The following CHRM5 variants were observed in gnomAD, a reference collection of about 807,000 sequenced individuals.
CHRM5 encodes muscarinic acetylcholine receptor M5.
A neutral mutation model predicts 39.0 loss-of-function variants in CHRM5; 18 were observed. The observed-to-expected ratio is 0.46, with a 90% confidence interval of 0.32 to 0.68. CHRM5 has a LOEUF of 0.68. Among genes scored for constraint, CHRM5 ranks in the 30% least tolerant of loss-of-function variants. The probability of loss-of-function intolerance (pLI) is 0.04; values close to 1 mark genes in which losing one functional copy is unlikely to be tolerated. For missense variants in CHRM5, 515 were observed against 651.1 expected (o/e 0.79, Z 2.28); for synonymous variants, 241 against 246.3 (o/e 0.98, Z 0.20).
chr15:34,003,465 T>C (rs1000114881), intron 1 of CHRM5, among the ~76,000 whole-genome samples: 2 of 152,220 alleles, frequency 1.3e-5, no homozygotes, highest in African/African-American at 2.4e-5. Flanking sequence ...CTAAAATTTA[T>C]CCCTATGTAT....
At chr15:33,999,027 G>C (rs1187319906) in intron 1 of CHRM5, among the ~76,000 whole-genome samples, 2 of 152,194 alleles carry the variant, frequency 1.3e-5, no homozygotes, top group Non-Finnish European at 2.9e-5. Context: ...ATTAGATGTT[G>C]TGCTGGGTCT....
intron 2 of CHRM5, among the ~76,000 whole-genome samples, chr15:34,053,171 G>A (rs1328324451): frequency 6.6e-6 from 1 of 151,078 alleles, no homozygotes; most frequent in Non-Finnish European, 1.5e-5. Context: ...ATGGTGGTGG[G>A]TGCCTACAGT....
chr15:33,973,404 C>T (rs1241698567), intron 1 of CHRM5, among the ~76,000 whole-genome samples: 3 of 152,118 alleles, frequency 2.0e-5, no homozygotes, highest in Non-Finnish European at 4.4e-5. Context: ...CAACTGTATA[C>T]CTTCCCTTCA....
At chr15:33,986,834 T>C (rs991629075) in intron 1 of CHRM5, among the ~76,000 whole-genome samples, 2 of 152,048 alleles carry the variant, frequency 1.3e-5, no homozygotes, top group African/African-American at 4.8e-5. Flanking sequence ...TTGTTTTGTA[T>C]TTTTAGTAGA....
chr15:34,001,461 C>T (rs1445263568), intron 1 of CHRM5, among the ~76,000 whole-genome samples: 1 of 152,148 alleles, frequency 6.6e-6, no homozygotes, highest in Non-Finnish European at 1.5e-5. Context: ...TCAATTTTCT[C>T]CCCCTAGATC....
intron 1 of CHRM5, among the ~76,000 whole-genome samples, chr15:33,979,018 GTTTC>G (rs1436588059): frequency 6.6e-6 from 1 of 152,026 alleles, no homozygotes; most frequent in Non-Finnish European, 1.5e-5. Flanking sequence ...AATGCTCCAG[GTTTC>G]TTTTTCATCC....
intron 1 of CHRM5, among the ~76,000 whole-genome samples, chr15:34,012,409 T>A (rs1332849911): frequency 6.6e-6 from 1 of 152,232 alleles, no homozygotes; most frequent in Non-Finnish European, 1.5e-5. Context: ...TTCTGGGTGA[T>A]CTTGGTGTGC....
At chr15:34,021,274 A>T (rs1331553753) in intron 1 of CHRM5, among the ~76,000 whole-genome samples, 2 of 151,760 alleles carry the variant, frequency 1.3e-5, no homozygotes, top group African/African-American at 2.4e-5. Flanking sequence ...ACTCAGCTAA[A>T]AAATATTTTC....
rs549371629 is a variant in CHRM5, at chr15:34,033,610, TA to T, written c.-407-12928del. Among the ~76,000 whole-genome samples, 998 of 152,306 alleles carry T rather than the reference TA, an allele frequency of 6.6e-3. 13 individuals are homozygous for T. The highest frequency in any genetic ancestry group is 0.023 in the African/African-American group (954 of 41,552). On this transcript the variant is annotated intron_variant, in intron 1 of 2. Transcript: ENST00000383263. ...TAGCACCCAAGCCTGTAGAGTTATA[TA>T]ACATTTTTTAAGTCAACATTTATTA...
At chr15:33,980,159 C>T (rs932536853) in intron 1 of CHRM5, among the ~76,000 whole-genome samples, 9 of 152,042 alleles carry the variant, frequency 5.9e-5, no homozygotes, top group African/African-American at 1.9e-4. Flanking sequence ...TACAAGGAAC[C>T]TAAACATGTA....
At chr15:34,043,122 C>T (rs1420764885) in intron 1 of CHRM5, among the ~76,000 whole-genome samples, 1 of 151,988 alleles carries the variant, frequency 6.6e-6, no homozygotes, top group Non-Finnish European at 1.5e-5. Context: ...TGACGGGCGC[C>T]TGTAGTCCCA....
At chr15:33,992,294 G>A (rs1896757833) in intron 1 of CHRM5, among the ~76,000 whole-genome samples, 1 of 152,152 alleles carries the variant, frequency 6.6e-6, no homozygotes, top group East Asian at 1.9e-4. Flanking sequence ...GGAGGCTGAG[G>A]GAGGAGAATG....
intron 1 of CHRM5, among the ~76,000 whole-genome samples, chr15:33,985,835 T>C (rs1487890928): frequency 1.3e-5 from 2 of 152,116 alleles, no homozygotes; most frequent in African/African-American, 4.8e-5. Flanking sequence ...CTAGGAAATG[T>C]TCAAAAATAG....
intron 1 of CHRM5, chr15:33,991,835 C>T (rs1896738695): frequency 6.6e-6 from 1 of 151,952 alleles, no homozygotes; most frequent in African/African-American, 2.4e-5. Context: ...GCAAAATCAC[C>T]AAGAATCTCT....
intron 1 of CHRM5, among the ~76,000 whole-genome samples, chr15:34,012,683 T>G (rs992519569): frequency 5.9e-5 from 9 of 152,244 alleles, no homozygotes; most frequent in African/African-American, 2.2e-4. Flanking sequence ...ATCAGACCAT[T>G]AAATAGCTGT....
chr15:33,983,211 T>C lies in CHRM5; in HGVS notation c.-408+14061T>C, dbSNP rs371298232. On this transcript the variant is annotated intron_variant, in intron 1 of 2. Coordinates refer to ENST00000383263, the MANE Select transcript of CHRM5 (RefSeq NM_012125.4). ...GTGTGTATGTGTGTGTATATATATA[T>C]ATACATATATATACACACACATACA... Among the ~76,000 whole-genome samples the C allele has an allele frequency of 8.6e-3, 125 of 14,524 alleles. 1 individual carries two copies. Among genetic ancestry groups the C allele is most frequent in the African/African-American group, 0.026 (112 of 4,322 alleles). The allele number at this position is 14,524 out of a possible 152,430, so 9.5% of individuals were successfully genotyped here.
intron 1 of CHRM5, among the ~76,000 whole-genome samples, chr15:34,009,814 A>C (rs1229723356): frequency 6.6e-6 from 1 of 152,074 alleles, no homozygotes; most frequent in Admixed American, 6.6e-5. Context: ...CATAGAGAGC[A>C]TTGCTACAAA....
At chr15:34,017,129 AG>A (rs66703947) in intron 1 of CHRM5, among the ~76,000 whole-genome samples, 71,708 of 151,122 alleles carry the variant, frequency 0.47, 20,370 homozygotes, top group Non-Finnish European at 0.64. Flanking sequence ...CTCTGTCTCA[AG>A]GGGGAAAAAA....
chr15:34,017,771 A>G (rs1898005608), intron 1 of CHRM5, among the ~76,000 whole-genome samples: 1 of 152,088 alleles, frequency 6.6e-6, no homozygotes, highest in Non-Finnish European at 1.5e-5. Context: ...TGAGCCACTG[A>G]GCCTGGCCAG....
Sources: allele counts gnomAD v4.1 joint callset (sites outside exome capture counted in the v4.1 genomes callset), GRCh38; gene constraint gnomAD v4.1.1; transcripts MANE v1.5; gene names NCBI Gene and HGNC (gene_info 2026-07-23, HGNC 2026-07-21).